RFPL1: variants seen among roughly 807,000 people sequenced by gnomAD.
RFPL1 encodes the protein ret finger protein-like 1.
Under a neutral mutation model 9.6 loss-of-function variants are expected in RFPL1, and 6 were observed. The observed-to-expected ratio is 0.62, with a 90% CI of 0.34 to 1.23. The LOEUF (loss-of-function observed/expected upper bound fraction) is 1.23, where lower values mean the gene tolerates loss of function less well. Among genes scored for constraint, RFPL1 ranks in the 50% most tolerant of loss-of-function variants. The pLI is 0.03. For synonymous variants in RFPL1, 145 were observed against 149.4 expected (o/e 0.97, Z 0.22); for missense variants, 352 against 398.4 (o/e 0.88, Z 0.99).
At chr22:29,424,497 G>A in the RFPL1 span, among the ~76,000 whole-genome samples, 1 of 152,020 alleles carries the variant, frequency 6.6e-6, no homozygotes, top group Admixed American at 6.6e-5. Context: ...ACTCAGGGAT[G>A]TTGCATAATT....
At chr22:29,400,843 A>C in the RFPL1 span, among the ~76,000 whole-genome samples, 12 of 152,312 alleles carry the variant, frequency 7.9e-5, no homozygotes, top group East Asian at 2.3e-3. Context: ...TTCTTGGCAA[A>C]ATATGGCTCT....
At chr22:29,410,233 A>C in the RFPL1 span, among the ~76,000 whole-genome samples, 11,609 of 135,370 alleles carry the variant, frequency 0.086, 582 homozygotes, top group East Asian at 0.22. Flanking sequence ...ATATATAGAT[A>C]TATATATAGT....
the RFPL1 span, among the ~76,000 whole-genome samples, chr22:29,431,444 G>A: frequency 6.6e-6 from 1 of 152,158 alleles, no homozygotes; most frequent in South Asian, 2.1e-4. Flanking sequence ...TGATGATGGA[G>A]TTTCTCTCTT....
chr22:29,394,944 G>GAAA, the RFPL1 span, among the ~76,000 whole-genome samples: 8 of 152,188 alleles, frequency 5.3e-5, no homozygotes, highest in African/African-American at 1.9e-4. Context: ...TTCATCCAAT[G>GAAA]CCAGGAAGGT....
At chr22:29,410,701 G>A in the RFPL1 span, among the ~76,000 whole-genome samples, 1 of 144,506 alleles carries the variant, frequency 6.9e-6, no homozygotes, top group Non-Finnish European at 1.5e-5. Flanking sequence ...CCCCTAGGCT[G>A]GGTTAACATG....
the RFPL1 span, among the ~76,000 whole-genome samples, chr22:29,424,679 A>AG: frequency 8.3e-6 from 1 of 119,858 alleles, no homozygotes; most frequent in East Asian, 2.3e-4. Flanking sequence ...AAAAAAAAAA[A>AG]TTGAGGCTGG....
chr22:29,406,385 A>G, the RFPL1 span, among the ~76,000 whole-genome samples: 9 of 152,014 alleles, frequency 5.9e-5, no homozygotes, highest in South Asian at 6.2e-4. Context: ...TTTTAGCCCT[A>G]TAGATCTTAG....
chr22:29,432,437 A>T, the RFPL1 span, among the ~76,000 whole-genome samples: 4 of 152,140 alleles, frequency 2.6e-5, no homozygotes, highest in Non-Finnish European at 5.9e-5. Flanking sequence ...TTACTTCTGT[A>T]AGATTGCTTC....
At chr22:29,439,267 A>G in intron 1 of RFPL1, 103 bp downstream of exon 1, 2 of 1,458,054 alleles carry the variant, frequency 1.4e-6, no homozygotes, top group Non-Finnish European at 1.9e-6. Context: ...GCTGTCTGGC[A>G]CCTAAAATTG....
chr22:29,441,589 T>G, exon 2 of RFPL1: 1 of 1,613,780 alleles, frequency 6.2e-7, no homozygotes, highest in Non-Finnish European at 8.5e-7. Flanking sequence ...CCTCCTCATT[T>G]CTGACGACCT....
At chr22:29,405,593 A>T in the RFPL1 span, among the ~76,000 whole-genome samples, 4 of 152,144 alleles carry the variant, frequency 2.6e-5, no homozygotes, top group African/African-American at 9.7e-5. Flanking sequence ...TTTTGAGAAG[A>T]GCTCTCAGTT....
chr22:29,426,999 GC>G, the RFPL1 span, among the ~76,000 whole-genome samples: 7 of 152,332 alleles, frequency 4.6e-5, no homozygotes, highest in Admixed American at 4.6e-4. Context: ...ATGAAATGGG[GC>G]CAGAAAGAGT....
At chr22:29,396,323 T>C in the RFPL1 span, among the ~76,000 whole-genome samples, 2 of 152,310 alleles carry the variant, frequency 1.3e-5, no homozygotes, top group African/African-American at 4.8e-5. Flanking sequence ...CTTGAGGCTG[T>C]GTGTTAGATC....
the RFPL1 span, among the ~76,000 whole-genome samples, chr22:29,395,693 A>T: frequency 1.3e-5 from 2 of 151,798 alleles, no homozygotes; most frequent in African/African-American, 4.8e-5. Flanking sequence ...AGGCTCTCAG[A>T]TGGGCACAGT....
chr22:29,409,582 G>A, the RFPL1 span, among the ~76,000 whole-genome samples: 4 of 152,114 alleles, frequency 2.6e-5, no homozygotes, highest in African/African-American at 4.8e-5. Context: ...AGATTTGGTC[G>A]AAGATCTCAG....
In RFPL1 at chr22:29,442,211, CAA is replaced by C. The variant is rs997297792; in HGVS notation, c.*91_*92del. On this transcript the variant is annotated 3_prime_UTR_variant, in exon 2 of 2. Transcript: ENST00000354373. ...CGCTCTACTCGGTAAAAGCGTTATA[CAA>C]AGTCATAGGAGAAAAATATGGGACA... 1.3e-5 allele frequency: 13 copies of C among 976,780 alleles called. No homozygotes were observed. In the African/African-American group the frequency reaches 1.8e-4, roughly 13 times the overall value. 60.5% of individuals were successfully genotyped at this position (976,780 alleles called of 1,614,324 possible).
At chr22:29,424,871 C>T in the RFPL1 span, among the ~76,000 whole-genome samples, 1 of 136,070 alleles carries the variant, frequency 7.3e-6, no homozygotes, top group Non-Finnish European at 1.5e-5. Context: ...CAAGTACAGC[C>T]TTCCAATCCT....
the RFPL1 span, among the ~76,000 whole-genome samples, chr22:29,420,634 C>CTTTTTTTTTT: frequency 3.0e-4 from 16 of 53,436 alleles, 7 homozygotes; most frequent in African/African-American, 2.4e-4. Flanking sequence ...TGGTTTTTTG[C>CTTTTTTTTTT]TTTTTTTTTT....
At chr22:29,440,295 C>G (rs2062831786) in intron 1 of RFPL1, 1 of 152,212 alleles carries the variant, frequency 6.6e-6, no homozygotes, top group African/African-American at 2.4e-5. Context: ...TTCCCTAATT[C>G]ACCATCAAAC....
Sources: gnomAD v4.1 joint callset for allele counts (sites outside exome capture counted in the v4.1 genomes callset) on GRCh38, gnomAD v4.1.1 for gene constraint, MANE v1.5 for transcripts, NCBI Gene and HGNC (gene_info 2026-07-23, HGNC 2026-07-21) for gene names.